STK17B: variants seen among roughly 807,000 people sequenced by gnomAD.
STK17B encodes the protein serine/threonine-protein kinase 17B.
In STK17B, 21 loss-of-function variants were observed where a neutral mutation model predicts 42.0. The ratio of observed to expected loss-of-function variants is 0.50; its 90% CI spans 0.35 to 0.72. The LOEUF (loss-of-function observed/expected upper bound fraction) is 0.72, where lower values mean the gene tolerates loss of function less well. Among genes scored for constraint, STK17B ranks in the 30% least tolerant of loss-of-function variants. The pLI, the probability that STK17B is intolerant of heterozygous loss-of-function variation, is 0.00. For missense variants in STK17B, 349 were observed against 446.0 expected (o/e 0.78, Z 1.96); for synonymous variants, 143 against 148.4 (o/e 0.96, Z 0.26).
intron 2 of STK17B, among the ~76,000 whole-genome samples, chr2:196,161,371 A>G (rs767098595): frequency 6.6e-6 from 1 of 152,088 alleles, no homozygotes; most frequent in Non-Finnish European, 1.5e-5. Context: ...TCTTAAAAAC[A>G]TTTTAAAAGG....
upstream of STK17B, chr2:196,171,584 C>G (rs1446581488): frequency 2.0e-5 from 3 of 152,246 alleles, no homozygotes; most frequent in Admixed American, 6.5e-5. Context: ...GGTTTGAAAA[C>G]TGCAGCCGCG....
At chr2:196,155,814 C>A (rs1031401072) in intron 3 of STK17B, among the ~76,000 whole-genome samples, 2 of 152,168 alleles carry the variant, frequency 1.3e-5, no homozygotes, top group African/African-American at 4.8e-5. Flanking sequence ...ATCCTCTACC[C>A]CTACCACCTG....
chr2:196,145,384 A>T (rs533485016), intron 4 of STK17B, among the ~76,000 whole-genome samples: 57 of 152,294 alleles, frequency 3.7e-4, no homozygotes, highest in African/African-American at 1.3e-3. Flanking sequence ...AAAGAAGGAT[A>T]AGGAGAAAGG....
At chr2:196,141,538 A>G (rs563922579) in intron 5 of STK17B, among the ~76,000 whole-genome samples, 2 of 152,286 alleles carry the variant, frequency 1.3e-5, no homozygotes, top group African/African-American at 4.8e-5. Flanking sequence ...ACATGCCTGT[A>G]ATCCCAGCTA....
At chr2:196,176,234 A>G (rs1699995940), upstream of STK17B, 2 of 152,202 alleles carry the variant, frequency 1.3e-5, no homozygotes, top group African/African-American at 2.4e-5. Context: ...ACCTCAATGC[A>G]TCACTGCTTC....
At chr2:196,167,010 G>C (rs1699882451) in intron 1 of STK17B, among the ~76,000 whole-genome samples, 1 of 152,102 alleles carries the variant, frequency 6.6e-6, no homozygotes, top group African/African-American at 2.4e-5. Flanking sequence ...GTATACACCA[G>C]CTACATTTCC....
At chr2:196,158,812 C>A (rs1699773667) in intron 2 of STK17B, among the ~76,000 whole-genome samples, 2 of 152,000 alleles carry the variant, frequency 1.3e-5, no homozygotes, top group African/African-American at 4.8e-5. Flanking sequence ...GAGATCAAGA[C>A]CATCTTGACT....
chr2:196,175,068 AAC>A (rs1467033701), upstream of STK17B, among the ~76,000 whole-genome samples: 2 of 152,120 alleles, frequency 1.3e-5, no homozygotes, highest in Non-Finnish European at 2.9e-5. Flanking sequence ...TTAAAAAGTA[AAC>A]ACAGATAAAA....
At chr2:196,172,684 G>C (rs186377634), upstream of STK17B, among the ~76,000 whole-genome samples, 1 of 152,246 alleles carries the variant, frequency 6.6e-6, no homozygotes, top group Non-Finnish European at 1.5e-5. Context: ...TCTGTTTGTT[G>C]TTACTTAGGT....
chr2:196,156,330 T>C, intron 3 of STK17B, 109 bp downstream of exon 3: 1 of 967,366 alleles, frequency 1.0e-6, no homozygotes, highest in Non-Finnish European at 1.5e-6. Flanking sequence ...TTACATTTTA[T>C]TAACAGGAAT....
chr2:196,147,100 A>AT (rs1229316984), intron 3 of STK17B, among the ~76,000 whole-genome samples: 1 of 152,266 alleles, frequency 6.6e-6, no homozygotes, highest in African/African-American at 2.4e-5. Context: ...AAATCCACAG[A>AT]TTTTTTTAGG....
At chr2:196,138,985 G>T (rs1015901833) in intron 7 of STK17B, among the ~76,000 whole-genome samples, 7 of 151,766 alleles carry the variant, frequency 4.6e-5, no homozygotes, top group Non-Finnish European at 7.4e-5. Flanking sequence ...TTATTTTTTT[G>T]AGACGGAGTC....
intron 4 of STK17B, among the ~76,000 whole-genome samples, chr2:196,145,638 G>A (rs1417023545): frequency 6.6e-6 from 1 of 152,148 alleles, no homozygotes; most frequent in Non-Finnish European, 1.5e-5. Context: ...AGAGTGGGAT[G>A]GAATGGAATA....
chr2:196,139,545 G>A, intron 7 of STK17B, 75 bp downstream of exon 7: 4 of 903,470 alleles, frequency 4.4e-6, no homozygotes, highest in Non-Finnish European at 5.9e-6. Context: ...TTCTTAATAG[G>A]TATATATTAT....
intron 6 of STK17B, among the ~76,000 whole-genome samples, chr2:196,140,879 G>C (rs1699484713): frequency 6.6e-6 from 1 of 152,052 alleles, no homozygotes; most frequent in Non-Finnish European, 1.5e-5. Flanking sequence ...TTTAGACCTA[G>C]ATCAGATGTC....
intron 3 of STK17B, among the ~76,000 whole-genome samples, chr2:196,152,252 A>G (rs1699675480): frequency 1.3e-5 from 2 of 152,158 alleles, no homozygotes; most frequent in African/African-American, 2.4e-5. Flanking sequence ...GACTACAGGC[A>G]TGCGCCAACA....
At chr2:196,159,578 T>C (rs1024655795) in intron 2 of STK17B, among the ~76,000 whole-genome samples, 6 of 152,130 alleles carry the variant, frequency 3.9e-5, no homozygotes, top group African/African-American at 1.4e-4. Context: ...TCCCAAAGTG[T>C]TGAAATTTTA....
chr2:196,159,010 C>CAA lies in STK17B; in HGVS notation c.123-2361_123-2360dup, dbSNP rs5837492. On this transcript the variant is annotated intron_variant, in intron 2 of 7. Transcript: ENST00000263955. The stretch of plus-strand genomic sequence containing the variant: ...TGGGGGACAGAGCAAGACTGTGTCT[C>CAA]AAAAAAAAAAAAAACAAAAAAACAG... 2.3e-3 allele frequency among the ~76,000 whole-genome samples: 297 copies of CAA among 127,396 alleles called. 2 individuals are homozygous for CAA. Among genetic ancestry groups the CAA allele is most frequent in the East Asian group, 6.7e-3 (31 of 4,652 alleles). 83.6% of individuals were successfully genotyped at this position (127,396 alleles called of 152,430 possible). A position where few individuals can be genotyped will look rare whatever the true frequency, so the allele number is the denominator to read the frequency against.
At position 196,134,711 on chromosome 2, in the gene STK17B, C is replaced by T. The variant is rs1274132688; in HGVS notation, c.*2736G>A. On this transcript the variant is annotated 3_prime_UTR_variant, in exon 8 of 8. Transcript: ENST00000263955. ...TCTATATATCATCTATTTAAAAATC[C>T]CATCTATTTAGGGATCCTACCCAAA... 1 of 152,024 alleles carries T rather than the reference C, an allele frequency of 6.6e-6. No individual in the cohort carries two copies. The highest frequency in any genetic ancestry group is 1.5e-5 in the Non-Finnish European group (1 of 67,992). The allele number at this position is 152,024 out of a possible 1,614,324, so 9.4% of individuals were successfully genotyped here. A position where few individuals can be genotyped will look rare whatever the true frequency, so the allele number is the denominator to read the frequency against.
Sources: allele counts gnomAD v4.1 joint callset (sites outside exome capture counted in the v4.1 genomes callset), GRCh38; gene constraint gnomAD v4.1.1; transcripts MANE v1.5; gene names NCBI Gene and HGNC (gene_info 2026-07-23, HGNC 2026-07-21).